AMPH: variants seen among roughly 807,000 people sequenced by gnomAD.
AMPH encodes the protein amphiphysin.
In AMPH, 49 loss-of-function variants were observed where a neutral mutation model predicts 99.1. The ratio of observed to expected loss-of-function variants is 0.49; its 90% CI spans 0.39 to 0.63. The LOEUF (loss-of-function observed/expected upper bound fraction) is 0.63. Among genes scored for constraint, AMPH ranks in the 20% least tolerant of loss-of-function variants. The pLI is 0.00. For missense variants in AMPH, 759 were observed against 863.4 expected (o/e 0.88, Z 1.52); for synonymous variants, 314 against 317.3 (o/e 0.99, Z 0.11).
At chr7:38,563,854 C>T (rs1428225469) in intron 1 of AMPH, among the ~76,000 whole-genome samples, 1 of 152,072 alleles carries the variant, frequency 6.6e-6, no homozygotes, top group Non-Finnish European at 1.5e-5. Context: ...ACTGCGATTA[C>T]TTATTTATTT....
At chr7:38,530,706 C>A (rs1193267268) in intron 2 of AMPH, among the ~76,000 whole-genome samples, 1 of 152,114 alleles carries the variant, frequency 6.6e-6, no homozygotes, top group Non-Finnish European at 1.5e-5. Context: ...CACAGTGGGA[C>A]CTTTTTTTCT....
chr7:38,413,536 T>G (rs1482032883), intron 17 of AMPH, among the ~76,000 whole-genome samples: 1 of 152,192 alleles, frequency 6.6e-6, no homozygotes, highest in South Asian at 2.1e-4. Flanking sequence ...CTTGGTATCA[T>G]GAACAAGAGA....
chr7:38,505,898 T>C (rs1314664727), intron 2 of AMPH, among the ~76,000 whole-genome samples: 1 of 152,182 alleles, frequency 6.6e-6, no homozygotes, highest in African/African-American at 2.4e-5. Flanking sequence ...ATTGTCAATC[T>C]ATGCTGCAAC....
intron 1 of AMPH, among the ~76,000 whole-genome samples, chr7:38,571,640 A>T (rs375031852): frequency 1.0e-4 from 15 of 148,276 alleles, no homozygotes; most frequent in African/African-American, 3.5e-4. Context: ...ACAGGTGTAC[A>T]ATGTGTTTGT....
chr7:38,482,223 G>A (rs1320967285), intron 5 of AMPH, among the ~76,000 whole-genome samples: 1 of 152,094 alleles, frequency 6.6e-6, no homozygotes, highest in Non-Finnish European at 1.5e-5. Context: ...AATGTGGCTT[G>A]AGGGAGACAG....
chr7:38,392,377 C>CTTTTTT lies in AMPH; in HGVS notation c.1609-366_1609-361dup, dbSNP rs574057389. 7.4e-4 allele frequency among the ~76,000 whole-genome samples: 31 copies of CTTTTTT among 42,048 alleles called. 3 individuals are homozygous for CTTTTTT. The highest frequency in any genetic ancestry group is 9.4e-4 in the East Asian group (1 of 1,064). 27.6% of individuals were successfully genotyped at this position (42,048 alleles called of 152,430 possible). The stretch of plus-strand genomic sequence containing the variant: ...GGAGTCAATGCAGGCCGGCCTGGTT[C>CTTTTTT]TTTTTTTTTTTTTTTTTTTTTTTTT... On this transcript the variant is annotated intron_variant, in intron 18 of 20. Coordinates refer to ENST00000356264, the MANE Select transcript of AMPH (RefSeq NM_001635.4).
chr7:38,418,623 G>T (rs1331578666), intron 16 of AMPH, among the ~76,000 whole-genome samples: 2 of 152,294 alleles, frequency 1.3e-5, no homozygotes, highest in South Asian at 2.1e-4. Context: ...ATACTTTACT[G>T]CCTTGTTGTA....
intron 17 of AMPH, among the ~76,000 whole-genome samples, chr7:38,407,019 C>CT (rs1310206521): frequency 3.3e-3 from 46 of 13,836 alleles, no homozygotes; most frequent in African/African-American, 0.012. Context: ...CCCTAATAGA[C>CT]TCCTCTCTCT....
intron 6 of AMPH, among the ~76,000 whole-genome samples, chr7:38,476,561 C>T (rs1212375353): frequency 6.6e-6 from 1 of 152,168 alleles, no homozygotes; most frequent in Non-Finnish European, 1.5e-5. Context: ...TGCATTTCAG[C>T]ACTGAGGGTG....
rs753091851 is a variant in AMPH, at chr7:38,432,032, G to A, written c.1158+157C>T. 2.8e-5 allele frequency: 21 copies of A among 749,286 alleles called. No homozygotes were observed. In the South Asian group the frequency reaches 3.0e-4, roughly 11 times the overall value. The allele number at this position is 749,286 out of a possible 1,614,324, so 46.4% of individuals were successfully genotyped here. ...ACCATCATCTTCCGGTTCTGATAAT[G>A]CTCAAGACTTTCAGTGGCCTAATGA... On this transcript the variant is annotated intron_variant, in intron 13 of 20. Transcript: ENST00000356264.
chr7:38,581,065 G>A (rs1318316529), intron 1 of AMPH, among the ~76,000 whole-genome samples: 1 of 151,502 alleles, frequency 6.6e-6, no homozygotes, highest in Non-Finnish European at 1.5e-5. Flanking sequence ...TAATACTCTA[G>A]TAGGTGCCAG....
chr7:38,543,847 C>T (rs1790899408), intron 1 of AMPH, among the ~76,000 whole-genome samples: 1 of 152,046 alleles, frequency 6.6e-6, no homozygotes, highest in African/African-American at 2.4e-5. Flanking sequence ...TTGAAAAATA[C>T]CAAAGACTAT....
intron 6 of AMPH, among the ~76,000 whole-genome samples, chr7:38,475,645 G>C (rs1788052370): frequency 6.6e-6 from 1 of 152,184 alleles, no homozygotes; most frequent in Admixed American, 6.5e-5. Context: ...GTTTCTGGCT[G>C]ATTCATTTAT....
chr7:38,573,832 T>C (rs1025764325), intron 1 of AMPH, among the ~76,000 whole-genome samples: 3 of 152,236 alleles, frequency 2.0e-5, no homozygotes, highest in East Asian at 1.9e-4. Flanking sequence ...CAAATATTGT[T>C]TTAGATTATA....
At chr7:38,528,125 C>T (rs1445714316) in intron 2 of AMPH, among the ~76,000 whole-genome samples, 1 of 152,142 alleles carries the variant, frequency 6.6e-6, no homozygotes, top group African/African-American at 2.4e-5. Context: ...ATTCTTTTTA[C>T]ACATTGTTAG....
Position 38,511,698 on chromosome 7 carries a change from C to T in AMPH, c.151-7994G>A, listed in dbSNP as rs538343803. Among the ~76,000 whole-genome samples the T allele has an allele frequency of 3.9e-5, 6 of 152,282 alleles. No individual in the cohort carries two copies. The South Asian group carries it at 1.0e-3, about 26-fold the overall frequency. ...CCATGAGAATCAAGTAGATAATATA[C>T]AAAACGCTTTCTAAATGTCAAAGTC... On this transcript the variant is annotated intron_variant, in intron 2 of 20. Transcript: ENST00000356264.
At chr7:38,484,845 T>G (rs568714157) in intron 5 of AMPH, among the ~76,000 whole-genome samples, 1 of 151,946 alleles carries the variant, frequency 6.6e-6, no homozygotes, top group African/African-American at 2.4e-5. Context: ...ATATAAAGTA[T>G]ACATGTGGTG....
intron 2 of AMPH, among the ~76,000 whole-genome samples, chr7:38,508,574 C>G (rs1296688242): frequency 6.6e-6 from 1 of 152,168 alleles, no homozygotes; most frequent in Admixed American, 6.6e-5. Flanking sequence ...GGAAAGCCAG[C>G]AGTACTAACA....
At chr7:38,406,729 TCC>T (rs201123825) in intron 17 of AMPH, among the ~76,000 whole-genome samples, 19,522 of 54,418 alleles carry the variant, frequency 0.36, 3,100 homozygotes, top group Non-Finnish European at 0.42. Context: ...TCTCTCCCTT[TCC>T]CTCTCTCTCT....
Sources: allele counts gnomAD v4.1 joint callset (sites outside exome capture counted in the v4.1 genomes callset), GRCh38; gene constraint gnomAD v4.1.1; transcripts MANE v1.5; gene names NCBI Gene and HGNC (gene_info 2026-07-23, HGNC 2026-07-21).